The following DNALI1 variants were observed in gnomAD, a reference collection of about 807,000 sequenced individuals.
DNALI1 encodes axonemal dynein light intermediate polypeptide 1.
A neutral mutation model predicts 33.9 loss-of-function variants in DNALI1; 31 were observed. That is an observed-to-expected ratio of 0.91 (90% confidence interval 0.69 to 1.23). DNALI1 has a LOEUF of 1.23. DNALI1 is among the 50% of genes most tolerant of loss of function. DNALI1 has a pLI of 0.00. For missense variants in DNALI1, 305 were observed against 323.8 expected (o/e 0.94, Z 0.44); for synonymous variants, 117 against 129.2 (o/e 0.91, Z 0.64).
chr1:37,558,751 C>T (rs1409723521), intron 2 of DNALI1, among the ~76,000 whole-genome samples: 1 of 152,206 alleles, frequency 6.6e-6, no homozygotes, highest in African/African-American at 2.4e-5. Context: ...GCACCCCTGC[C>T]CAACATGATC....
At chr1:37,557,223 A>G (rs1160070764) in intron 1 of DNALI1, 148 bp downstream of exon 1, 181 of 1,294,810 alleles carry the variant, frequency 1.4e-4, no homozygotes, top group Non-Finnish European at 1.9e-4. Flanking sequence ...GGAGGGTGAG[A>G]GGATTGTATA....
chr1:37,561,789 C>A lies in DNALI1; in HGVS notation c.576+54C>A. 1 of 1,572,372 alleles carries A rather than the reference C, an allele frequency of 6.4e-7. No individual in the cohort carries two copies. The highest frequency in any genetic ancestry group is 8.7e-7 in the Non-Finnish European group (1 of 1,153,502). On this transcript the variant is annotated intron_variant, in intron 4 of 5. Transcript: ENST00000652629. This position sits in a 1 kb window ranked among gnomAD's most constrained non-coding sequence, Gnocchi z 4.6. ...CCCATCTCTTCTGTAAACCTCAGGG[C>A]CACATGCTTATCATTCCAGCACTAC... is the stretch of plus-strand genomic sequence containing the variant.
Position 37,561,714 on chromosome 1 carries a change from G to C in DNALI1, c.555G>C (p.Gly185=). ...GGAAGGCACTGCAGGCTGAGCAGGG[G>C]AAGTCAGACATGGAGAGGAAAGTGA... The part of the protein sequence containing the change: ...GMRKALQAEQ[G]KSDMERKIAE... The change falls in exon 4 of 6, where the codon GGG becomes GGC. Residue 185 remains glycine, a synonymous_variant. Transcript: ENST00000652629. This position sits in a 1 kb window ranked among gnomAD's most constrained non-coding sequence, Gnocchi z 4.6. The C allele has an allele frequency of 6.2e-7, 1 of 1,614,014 alleles. No individual in the cohort carries two copies. The highest frequency in any genetic ancestry group is 8.5e-7 in the Non-Finnish European group (1 of 1,179,924).
At position 37,562,299 on chromosome 1, in the gene DNALI1, C is replaced by A; in HGVS notation, c.741+54C>A. ...TGCCCCCTGCCCTGCGACCCAGCCC[C>A]ACAGGCCAGGCATTCGGTTCCTTTT... On this transcript the variant is annotated intron_variant, in intron 5 of 5. Transcript: ENST00000652629. The surrounding 1 kb of genome is among the most constrained non-coding windows in gnomAD (Gnocchi z 5.8). 1 of 1,573,838 alleles carries A rather than the reference C, an allele frequency of 6.4e-7. No homozygotes were observed. Among genetic ancestry groups the A allele is most frequent in the Admixed American group, 1.9e-5 (1 of 53,606 alleles).
chr1:37,564,162 G>A (rs1430709338), intron 5 of DNALI1, among the ~76,000 whole-genome samples: 3 of 151,906 alleles, frequency 2.0e-5, no homozygotes, highest in East Asian at 2.0e-4. Context: ...GAACCCGGGA[G>A]GTAGAGGTTG....
At position 37,562,447 on chromosome 1, in the gene DNALI1, C is replaced by T. The variant is rs116689475; in HGVS notation, c.741+202C>T. Reference sequence around the variant, plus strand: ...CTCTCAACTCCAAATCTCTGAGGCGCCTCAGCCTGGCTCTCCAGTGGAGGA... The same window carrying T: ...CTCTCAACTCCAAATCTCTGAGGCGTCTCAGCCTGGCTCTCCAGTGGAGGA... On this transcript the variant is annotated intron_variant, in intron 5 of 5. Transcript: ENST00000652629. This position sits in a 1 kb window ranked among gnomAD's most constrained non-coding sequence, Gnocchi z 5.8. Among the ~76,000 whole-genome samples, 1,896 of 152,204 alleles carry T rather than the reference C, an allele frequency of 0.012. 17 individuals are homozygous for T. Among genetic ancestry groups the T allele is most frequent in the Non-Finnish European group, 0.019 (1,284 of 67,996 alleles).
At position 37,561,620 on chromosome 1, in the gene DNALI1, G is replaced by C. The variant is rs749249059; in HGVS notation, c.461G>C (p.Arg154Pro). ...AGGGGGCTGCTGCTGCTGCGAGTCC[G>C]GGACGAGATCCGCATGACCATCGCT... ...AERGLLLLRVRDEIRMTIAAY... is the reference protein window; with the variant it reads ...AERGLLLLRVPDEIRMTIAAY... The change falls in exon 4 of 6, where the codon CGG (arginine) becomes CCG (proline). Residue 154 changes from arginine (R) to proline (P), a missense_variant. By Grantham distance (103) the Arg-to-Pro change is moderately radical. Transcript: ENST00000652629. The surrounding 1 kb of genome is among the most constrained non-coding windows in gnomAD (Gnocchi z 4.6). 3 of 1,613,804 alleles carry C rather than the reference G, an allele frequency of 1.9e-6. No homozygotes were observed. The highest frequency in any genetic ancestry group is 2.5e-6 in the Non-Finnish European group (3 of 1,179,890).
intron 5 of DNALI1, among the ~76,000 whole-genome samples, chr1:37,564,378 A>G (rs986851903): frequency 2.0e-5 from 3 of 151,880 alleles, no homozygotes; most frequent in African/African-American, 7.3e-5. Context: ...CCTAAACCAG[A>G]GAGCCAATAT....
At chr1:37,558,934 C>T (rs1643404236) in intron 2 of DNALI1, among the ~76,000 whole-genome samples, 2 of 152,244 alleles carry the variant, frequency 1.3e-5, no homozygotes, top group Admixed American at 1.3e-4. Flanking sequence ...CACACATCTG[C>T]CTCTTTCTGG....
Position 37,565,434 on chromosome 1 carries a change from G to A in DNALI1, c.*373G>A, listed in dbSNP as rs1406979950. 1 of 188,542 alleles carries A rather than the reference G, an allele frequency of 5.3e-6. No individual in the cohort carries two copies. The highest frequency in any genetic ancestry group is 1.5e-4 in the South Asian group (1 of 6,548). The allele number at this position is 188,542 out of a possible 1,614,324, so 11.7% of individuals were successfully genotyped here. A position where few individuals can be genotyped will look rare whatever the true frequency, so the allele number is the denominator to read the frequency against. On this transcript the variant is annotated 3_prime_UTR_variant, in exon 6 of 6. Coordinates refer to ENST00000652629, the MANE Select transcript of DNALI1 (RefSeq NM_003462.5). ...TCTGGCCAAATGAATCTGCTTCTCT[G>A]CCCCTCAAACTTTTAGTTCACAATT... is the stretch of plus-strand genomic sequence containing the variant.
rs1557631841 is a variant in DNALI1 at position 37,557,713 on chromosome 1, G to T, written c.192G>T (p.Gln64His). ...CCTGTGTCCCAGATCCTACAAAGCA[G>T]GCAGAAGAAATCTTGAATGCCATAC... ...STPCVPDPTK[Q>H]AEEILNAILP... Residue 64 changes from glutamine (Q) to histidine (H), a missense_variant, in exon 2 of 6, where the codon CAG becomes CAT. Gln to His is a conservative substitution (Grantham distance 24, BLOSUM62 0). Coordinates refer to ENST00000652629, the MANE Select transcript of DNALI1 (RefSeq NM_003462.5). 1 of 1,613,864 alleles carries T rather than the reference G, an allele frequency of 6.2e-7. No homozygotes were observed. The highest frequency in any genetic ancestry group is 1.7e-5 in the Admixed American group (1 of 59,984).
rs1570042538 is a variant in DNALI1 at position 37,565,304 on chromosome 1, CCT to C, written c.*244_*245del. 1.8e-6 allele frequency: 1 copy of C among 553,724 alleles called. No individual in the cohort carries two copies. The highest frequency in any genetic ancestry group is 3.1e-5 in the East Asian group (1 of 32,580). 34.3% of individuals were successfully genotyped at this position (553,724 alleles called of 1,614,324 possible). On this transcript the variant is annotated 3_prime_UTR_variant, in exon 6 of 6. Transcript: ENST00000652629. ...GCTGGGCAATGGAAGATGGTGTGGC[CCT>C]GTTAGTCTCCGTGTGTGGCTTACTA...
In DNALI1 at chr1:37,557,627, C is replaced by CA; in HGVS notation, c.107dup (p.Gln37AlafsTer58). 6.2e-7 allele frequency: 1 copy of CA among 1,613,702 alleles called. No individual in the cohort carries two copies. The highest frequency in any genetic ancestry group is 8.5e-7 in the Non-Finnish European group (1 of 1,179,762). On this transcript the variant is annotated frameshift_variant, in exon 2 of 6. Transcript: ENST00000652629. LOFTEE classifies it high-confidence loss of function. ...GGCTCGGCTACTGAAAGTCAGCCCC[C>CA]AGCAGCCTGGACCTTCAGGTTCAGC...
intron 3 of DNALI1, among the ~76,000 whole-genome samples, chr1:37,560,313 G>A (rs1041898447): frequency 2.6e-5 from 4 of 152,226 alleles, no homozygotes; most frequent in South Asian, 2.1e-4. Flanking sequence ...AGGCTATCAC[G>A]TGGGGAGAAA....
In DNALI1 at chr1:37,562,169, G is replaced by A. The variant is rs146461161; in HGVS notation, c.665G>A (p.Ser222Asn). ...AKCEATEKRE[S>N]ERRQVEEKKH... Reference sequence around the variant, plus strand: ...TGTGAAGCCACTGAGAAGCGGGAGAGCGAGAGGCGGCAGGTGGAGGAGAAG... The same window carrying A: ...TGTGAAGCCACTGAGAAGCGGGAGAACGAGAGGCGGCAGGTGGAGGAGAAG... Residue 222 changes from serine to asparagine, a missense_variant, in exon 5 of 6, where the codon AGC (serine) becomes AAC (asparagine). Ser to Asn is a conservative substitution (Grantham distance 46). Coordinates refer to ENST00000652629, the MANE Select transcript of DNALI1 (RefSeq NM_003462.5). This position sits in a 1 kb window ranked among gnomAD's most constrained non-coding sequence, Gnocchi z 5.8. The A allele has an allele frequency of 1.8e-5, 29 of 1,614,092 alleles. 1 individual carries two copies. The East Asian group carries it at 6.2e-4, about 35-fold the overall frequency.
At chr1:37,558,454 G>A (rs184283370) in intron 2 of DNALI1, among the ~76,000 whole-genome samples, 24 of 152,288 alleles carry the variant, frequency 1.6e-4, no homozygotes, top group Non-Finnish European at 2.8e-4. Flanking sequence ...AAACTCTTTT[G>A]TGGCTTCCCA....
rs1211134536 is a variant in DNALI1 at position 37,562,851 on chromosome 1, G to T, written c.741+606G>T. 6.6e-6 allele frequency among the ~76,000 whole-genome samples: 1 copy of T among 152,216 alleles called. No homozygotes were observed. Among genetic ancestry groups the T allele is most frequent in the East Asian group, 1.9e-4 (1 of 5,184 alleles). On this transcript the variant is annotated intron_variant, in intron 5 of 5. Transcript: ENST00000652629. The surrounding 1 kb of genome is among the most constrained non-coding windows in gnomAD (Gnocchi z 5.8). Reference sequence around the variant, plus strand: ...TGGACAAAGCTGGGCAGGAGGCCATGCTACAGGCACTGCAACTCCCAGCTG... The same window carrying T: ...TGGACAAAGCTGGGCAGGAGGCCATTCTACAGGCACTGCAACTCCCAGCTG...
At position 37,564,079 on chromosome 1, in the gene DNALI1, A is replaced by G. The variant is rs528253821; in HGVS notation, c.742-947A>G. Among the ~76,000 whole-genome samples the G allele has an allele frequency of 1.6e-3, 237 of 151,986 alleles. 1 individual carries two copies. Among genetic ancestry groups the G allele is most frequent in the African/African-American group, 5.3e-3 (220 of 41,496 alleles). The stretch of plus-strand genomic sequence containing the variant: ...TGAAACCCATTTCTACTAAAAATAC[A>G]AAAAGTAGCTGGGCGTGGTGATGTG... On this transcript the variant is annotated intron_variant, in intron 5 of 5. Transcript: ENST00000652629.
At chr1:37,557,457 A>G in intron 1 of DNALI1, 146 bp from the exon 2 acceptor site, 1 of 1,120,392 alleles carries the variant, frequency 8.9e-7, no homozygotes, top group South Asian at 1.5e-5. Flanking sequence ...CAGCTCTGTG[A>G]CATAATTTCT....
Sources: gnomAD v4.1 joint callset for allele counts (sites outside exome capture counted in the v4.1 genomes callset) on GRCh38, gnomAD v4.1.1 for gene constraint, Gnocchi (gnomAD v3.1) non-coding constraint, MANE v1.5 for transcripts, NCBI Gene and HGNC (gene_info 2026-07-23, HGNC 2026-07-21) for gene names.